The following LDLRAD4 variants were observed in gnomAD, a reference collection of about 807,000 sequenced individuals.
LDLRAD4 encodes the protein low density lipoprotein receptor class A domain containing 4.
Under a neutral mutation model 17.0 loss-of-function variants are expected in LDLRAD4, and 5 were observed. The ratio of observed to expected loss-of-function variants is 0.29; its 90% confidence interval spans 0.15 to 0.62. LDLRAD4 has a LOEUF of 0.62. Ranked by LOEUF, LDLRAD4 falls within the 20% of genes least tolerant of loss-of-function variation. The pLI is 0.84. For missense variants in LDLRAD4, 340 were observed against 424.7 expected, an observed-to-expected ratio of 0.80 and a Z score of 1.75; for synonymous variants, 168 against 171.8, an observed-to-expected ratio of 0.98 and a Z score of 0.17.
chr18:13,388,029 G>A (rs1599851977), intron 2 of LDLRAD4, among the ~76,000 whole-genome samples: 1 of 152,128 alleles, frequency 6.6e-6, no homozygotes, highest in Non-Finnish European at 1.5e-5. Context: ...TGCAGTATTC[G>A]CAGCGTCTTC....
chr18:13,574,014 C>T (rs1435006991), intron 3 of LDLRAD4, among the ~76,000 whole-genome samples: 1 of 152,070 alleles, frequency 6.6e-6, no homozygotes, highest in Non-Finnish European at 1.5e-5. Flanking sequence ...TCATGCATAG[C>T]GATGGATACA....
chr18:13,649,050 C>G (rs1368488347), exon 6 of LDLRAD4: 1 of 152,196 alleles, frequency 6.6e-6, no homozygotes, highest in East Asian at 1.9e-4. Context: ...CATGGACACA[C>G]ACCCAAGCCA....
rs542382793 is a variant in LDLRAD4, at chr18:13,642,061, C to T, written c.337-1298C>T. ...CCGCCCTCGTCTGTGCCTGCCAGGC[C>T]GGGCCCTTCCCTCCCGTCACAGGCG... On this transcript the variant is annotated intron_variant, in intron 4 of 5. Transcript: ENST00000359446. 7 of 985,544 alleles carry T rather than the reference C, an allele frequency of 7.1e-6. No homozygotes were observed. The South Asian group carries it at 2.3e-4, about 33-fold the overall frequency. The allele number at this position is 985,544 out of a possible 1,614,324, so 61.0% of individuals were successfully genotyped here.
At chr18:13,219,353 T>C (rs922886459) in intron 1 of LDLRAD4, among the ~76,000 whole-genome samples, 1 of 152,224 alleles carries the variant, frequency 6.6e-6, no homozygotes, top group Non-Finnish European at 1.5e-5. Flanking sequence ...CCCCCAAAAT[T>C]TTTTAATTAG....
intron 4 of LDLRAD4, among the ~76,000 whole-genome samples, chr18:13,625,402 C>T (rs896790663): frequency 2.0e-5 from 3 of 152,146 alleles, no homozygotes; most frequent in African/African-American, 7.2e-5. Flanking sequence ...GGCCAGCAGC[C>T]TTACTTGGCT....
At chr18:13,541,049 A>G (rs545276786) in intron 3 of LDLRAD4, among the ~76,000 whole-genome samples, 1 of 152,312 alleles carries the variant, frequency 6.6e-6, no homozygotes, top group South Asian at 2.1e-4. Flanking sequence ...TCTAGTTTCC[A>G]AGACAGAGTC....
At chr18:13,528,538 C>T (rs1351473824) in intron 3 of LDLRAD4, among the ~76,000 whole-genome samples, 2 of 152,174 alleles carry the variant, frequency 1.3e-5, no homozygotes, top group Non-Finnish European at 2.9e-5. Context: ...GTCTCAAACT[C>T]CTGACCTCGG....
chr18:13,312,897 A>T (rs16940349), intron 1 of LDLRAD4, among the ~76,000 whole-genome samples: 4 of 151,996 alleles, frequency 2.6e-5, no homozygotes, highest in Non-Finnish European at 5.9e-5. Context: ...CAGTTGCATT[A>T]TATGTTCTCT....
chr18:13,526,133 T>C (rs925309265), intron 3 of LDLRAD4: 1 of 152,198 alleles, frequency 6.6e-6, no homozygotes, highest in Non-Finnish European at 1.5e-5. Context: ...TCCCATAGGA[T>C]GGATATGGGA....
intron 3 of LDLRAD4, among the ~76,000 whole-genome samples, chr18:13,482,981 G>A (rs2093130175): frequency 6.6e-6 from 1 of 152,194 alleles, no homozygotes; most frequent in South Asian, 2.1e-4. Context: ...CCCTAGGTCA[G>A]ATGAGGGACC....
At position 13,246,337 on chromosome 18, in the gene LDLRAD4, TG is replaced by T. The variant is rs375595119; in HGVS notation, c.-467+27351del. Among the ~76,000 whole-genome samples the T allele has an allele frequency of 5.5e-4, 84 of 152,340 alleles. 1 individual carries two copies. The East Asian group carries it at 0.011, about 20-fold the overall frequency. ...CTGGGGATCTCGCTGCCCTGGCGCC[TG>T]GTGATGTGCATTCTGGTGCATTTCT... On this transcript the variant is annotated intron_variant, in intron 1 of 5. Coordinates refer to the LDLRAD4 transcript ENST00000399848.
intron 1 of LDLRAD4, among the ~76,000 whole-genome samples, chr18:13,232,850 A>G (rs953422219): frequency 7.2e-5 from 11 of 152,068 alleles, no homozygotes; most frequent in African/African-American, 2.4e-4. Flanking sequence ...GCTCGTCCGA[A>G]CTCAGCTCCG....
At chr18:13,428,413 C>T (rs1294748274) in intron 2 of LDLRAD4, among the ~76,000 whole-genome samples, 2 of 152,142 alleles carry the variant, frequency 1.3e-5, no homozygotes, top group East Asian at 1.9e-4. Flanking sequence ...GAGCCAACCT[C>T]GGGAGGGCAA....
intron 1 of LDLRAD4, among the ~76,000 whole-genome samples, chr18:13,370,871 C>T (rs562424365): frequency 2.4e-4 from 37 of 151,894 alleles, no homozygotes; most frequent in African/African-American, 8.4e-4. Context: ...CCACCACACC[C>T]AGCTAATTTT....
intron 3 of LDLRAD4, chr18:13,561,845 G>A (rs149146373): frequency 6.6e-6 from 1 of 152,256 alleles, no homozygotes; most frequent in African/African-American, 2.4e-5. Context: ...ATGTTTTCCT[G>A]ATTGTCAAAC....
intron 1 of LDLRAD4, among the ~76,000 whole-genome samples, chr18:13,235,671 A>G (rs374648881): frequency 2.0e-5 from 3 of 152,344 alleles, no homozygotes; most frequent in African/African-American, 7.2e-5. Context: ...GTAATAGACC[A>G]CTAGCCATGT....
intron 3 of LDLRAD4, among the ~76,000 whole-genome samples, chr18:13,529,569 G>A (rs1202811552): frequency 1.3e-5 from 2 of 152,228 alleles, no homozygotes; most frequent in Non-Finnish European, 2.9e-5. Flanking sequence ...CATGCCTTTA[G>A]GATGGGATCT....
In LDLRAD4 at chr18:13,314,713, C is replaced by T. The variant is rs979151591; in HGVS notation, c.-383+36525C>T. Among the ~76,000 whole-genome samples, 7 of 152,254 alleles carry T rather than the reference C, an allele frequency of 4.6e-5. No individual in the cohort carries two copies. The South Asian group carries it at 1.5e-3, about 32-fold the overall frequency. Reference sequence around the variant, plus strand: ...GACCATGCATGGAGCTTGTGGCAGTCTTGTAGGGCTGGGAGACAAAACGTA... The same window carrying T: ...GACCATGCATGGAGCTTGTGGCAGTTTTGTAGGGCTGGGAGACAAAACGTA... On this transcript the variant is annotated intron_variant, in intron 1 of 5. Coordinates refer to ENST00000359446, the Ensembl canonical transcript of LDLRAD4.
chr18:13,260,086 T>C (rs1254334724), intron 1 of LDLRAD4, among the ~76,000 whole-genome samples: 1 of 152,218 alleles, frequency 6.6e-6, no homozygotes, highest in Non-Finnish European at 1.5e-5. Context: ...GGATAGTAGG[T>C]GCTAAGTTCA....
Sources: allele counts gnomAD v4.1 joint callset (sites outside exome capture counted in the v4.1 genomes callset), GRCh38; gene constraint gnomAD v4.1.1; transcripts MANE v1.5; gene names NCBI Gene and HGNC (gene_info 2026-07-23, HGNC 2026-07-21).